GPC6: variants seen among roughly 807,000 people sequenced by gnomAD.
GPC6 encodes the protein glypican-6.
GPC6 carries 14 observed loss-of-function variants against 55.2 expected under a neutral mutation model. That is an observed-to-expected ratio of 0.25 (90% CI 0.17 to 0.40). The LOEUF is 0.40. Ranked by LOEUF, GPC6 falls within the 10% of genes least tolerant of loss-of-function variation. The probability of loss-of-function intolerance (pLI) is 1.00; values close to 1 mark genes in which losing one functional copy is unlikely to be tolerated. For missense variants in GPC6, 641 were observed against 708.5 expected (o/e 0.90, Z 1.08); for synonymous variants, 278 against 259.6 (o/e 1.07, Z -0.68).
intron 2 of GPC6, among the ~76,000 whole-genome samples, chr13:93,588,435 A>G (rs1251494095): frequency 6.6e-6 from 1 of 152,010 alleles, no homozygotes; most frequent in East Asian, 1.9e-4. Context: ...CATTTACTTT[A>G]CCACATTCCA....
intron 7 of GPC6, among the ~76,000 whole-genome samples, chr13:94,386,156 G>A (rs187018329): frequency 3.1e-4 from 47 of 151,980 alleles, no homozygotes; most frequent in African/African-American, 9.9e-4. Context: ...TCAGCAGATC[G>A]AGACCATCCT....
At chr13:94,191,520 G>A (rs1366420886) in intron 4 of GPC6, among the ~76,000 whole-genome samples, 5 of 151,872 alleles carry the variant, frequency 3.3e-5, no homozygotes, top group Non-Finnish European at 7.4e-5. Flanking sequence ...GACAGTGAGC[G>A]ATGTCCTTGG....
intron 3 of GPC6, among the ~76,000 whole-genome samples, chr13:93,837,611 G>A (rs936714718): frequency 1.3e-5 from 2 of 152,150 alleles, no homozygotes; most frequent in Admixed American, 6.5e-5. Context: ...GCATTTACAA[G>A]TAATAATTAG....
At chr13:93,284,763 T>A (rs1032506529) in intron 1 of GPC6, among the ~76,000 whole-genome samples, 1 of 152,194 alleles carries the variant, frequency 6.6e-6, no homozygotes, top group Non-Finnish European at 1.5e-5. Context: ...ACAGTGTTGA[T>A]CAAAACAGCT....
chr13:94,040,892 C>T (rs1016772927), intron 4 of GPC6, among the ~76,000 whole-genome samples: 8 of 151,762 alleles, frequency 5.3e-5, no homozygotes, highest in Admixed American at 3.9e-4. Context: ...CCTTTGAATT[C>T]GATTTGGAGA....
intron 6 of GPC6, among the ~76,000 whole-genome samples, chr13:94,327,577 G>C (rs1877190732): frequency 6.6e-6 from 1 of 152,176 alleles, no homozygotes; most frequent in Non-Finnish European, 1.5e-5. Flanking sequence ...TTGGAGGAAT[G>C]TCTGCTCACG....
chr13:93,919,857 T>C (rs1364747376), intron 3 of GPC6, among the ~76,000 whole-genome samples: 3 of 152,200 alleles, frequency 2.0e-5, no homozygotes, highest in Non-Finnish European at 4.4e-5. Flanking sequence ...ATGTAGCTTA[T>C]TATTAAGAGT....
At chr13:93,933,093 C>G (rs1594599383) in intron 3 of GPC6, among the ~76,000 whole-genome samples, 2 of 150,786 alleles carry the variant, frequency 1.3e-5, no homozygotes, top group African/African-American at 4.9e-5. Flanking sequence ...TCAATCTTTC[C>G]TCTTGCTTCT....
intron 4 of GPC6, among the ~76,000 whole-genome samples, chr13:94,107,677 T>C (rs1339418394): frequency 6.6e-6 from 1 of 151,270 alleles, no homozygotes; most frequent in African/African-American, 2.4e-5. Context: ...ATATGTTAGG[T>C]TTAAAATTAG....
chr13:94,076,968 T>G (rs1330244277), intron 4 of GPC6, among the ~76,000 whole-genome samples: 2 of 148,646 alleles, frequency 1.3e-5, no homozygotes, highest in African/African-American at 2.6e-5. Flanking sequence ...CTGTTTTTTT[T>G]TTTTTTTTTT....
At chr13:94,276,882 T>C (rs1239104181) in intron 4 of GPC6, among the ~76,000 whole-genome samples, 2 of 152,208 alleles carry the variant, frequency 1.3e-5, no homozygotes, top group South Asian at 2.1e-4. Flanking sequence ...CTATTGTAAA[T>C]AGTGCTGCAA....
intron 3 of GPC6, among the ~76,000 whole-genome samples, chr13:94,001,079 A>T (rs1409042999): frequency 1.3e-5 from 2 of 152,138 alleles, no homozygotes; most frequent in Non-Finnish European, 2.9e-5. Flanking sequence ...AAGACAAAAT[A>T]GAGTAATTGA....
rs866313178 is a variant in GPC6 at position 93,923,691 on chromosome 13, T to G, written c.711+93146T>G. Among the ~76,000 whole-genome samples, 3 of 152,314 alleles carry G rather than the reference T, an allele frequency of 2.0e-5. No individual in the cohort carries two copies. The East Asian group carries it at 5.8e-4, about 29-fold the overall frequency. On this transcript the variant is annotated intron_variant, in intron 3 of 8. Coordinates refer to ENST00000377047, the MANE Select transcript of GPC6 (RefSeq NM_005708.5). ...AAGGCAATAAAATATGTTTTCGCTA[T>G]TCAGATAGAAGATTGGTTTAAATAA...
chr13:93,911,033 G>C (rs1018393811), intron 3 of GPC6, among the ~76,000 whole-genome samples: 2 of 152,192 alleles, frequency 1.3e-5, no homozygotes, highest in Non-Finnish European at 2.9e-5. Flanking sequence ...GTCTCTGAGA[G>C]ATGATTTAAT....
chr13:93,614,900 T>G (rs1878650321), intron 2 of GPC6, among the ~76,000 whole-genome samples: 1 of 152,162 alleles, frequency 6.6e-6, no homozygotes, highest in African/African-American at 2.4e-5. Context: ...TTGCTTTTTT[T>G]TTCCTCTGAG....
chr13:94,030,004 C>CTT lies in GPC6; in HGVS notation c.877+2125_877+2126dup, dbSNP rs55808503. 1.2e-3 allele frequency among the ~76,000 whole-genome samples: 168 copies of CTT among 139,474 alleles called. 1 individual carries two copies. The highest frequency in any genetic ancestry group is 3.3e-3 in the African/African-American group (126 of 37,884). The allele number at this position is 139,474 out of a possible 152,430, so 91.5% of individuals were successfully genotyped here. Reference sequence around the variant, plus strand: ...CGTATTTCATACCCTTTCTTCCCGTCTTTTTTTTTTTTTTTTGAGAGGGAG... The same window carrying CTT: ...CGTATTTCATACCCTTTCTTCCCGTCTTTTTTTTTTTTTTTTTTGAGAGGGAG... On this transcript the variant is annotated intron_variant, in intron 4 of 8. Coordinates refer to ENST00000377047, the MANE Select transcript of GPC6 (RefSeq NM_005708.5).
intron 1 of GPC6, among the ~76,000 whole-genome samples, chr13:93,446,671 C>T (rs1314023305): frequency 6.6e-6 from 1 of 152,094 alleles, no homozygotes; most frequent in African/African-American, 2.4e-5. Flanking sequence ...AGACACTGCT[C>T]AGGATGAATT....
intron 1 of GPC6, among the ~76,000 whole-genome samples, chr13:93,400,547 G>GTGCCTATGTGTGTT (rs1876033753): frequency 6.6e-6 from 1 of 152,036 alleles, no homozygotes; most frequent in African/African-American, 2.4e-5. Flanking sequence ...ATAGAACAAG[G>GTGCCTATGTGTGTT]TGACTACCGT....
At chr13:94,158,123 C>T (rs1888019990) in intron 4 of GPC6, among the ~76,000 whole-genome samples, 1 of 152,140 alleles carries the variant, frequency 6.6e-6, no homozygotes, top group South Asian at 2.1e-4. Flanking sequence ...GATATTAGGG[C>T]TTGCTTAAGA....
Sources: allele counts gnomAD v4.1 joint callset (sites outside exome capture counted in the v4.1 genomes callset), GRCh38; gene constraint gnomAD v4.1.1; transcripts MANE v1.5; gene names NCBI Gene and HGNC (gene_info 2026-07-23, HGNC 2026-07-21).